The following CSNK1A1 variants were observed in gnomAD, a reference collection of about 807,000 sequenced individuals.
The protein encoded by CSNK1A1 is casein kinase 1 alpha 1.
Under a neutral mutation model 46.1 loss-of-function variants are expected in CSNK1A1, and 7 were observed. The ratio of observed to expected loss-of-function variants is 0.15; its 90% CI spans 0.09 to 0.29. The LOEUF (loss-of-function observed/expected upper bound fraction) is 0.29. Ranked by LOEUF, CSNK1A1 falls within the 10% of genes least tolerant of loss-of-function variation. The pLI is 1.00. For synonymous variants in CSNK1A1, 137 were observed against 141.5 expected (o/e 0.97, Z 0.23); for missense variants, 96 against 417.1 (o/e 0.23, Z 6.71).
At chr5:149,546,331 A>G (rs1284960803) in intron 2 of CSNK1A1, among the ~76,000 whole-genome samples, 1 of 152,040 alleles carries the variant, frequency 6.6e-6, no homozygotes, top group African/African-American at 2.4e-5. Context: ...AAGATATACC[A>G]AAGTATCTTA....
chr5:149,546,357 G>C (rs1348337666), intron 2 of CSNK1A1, among the ~76,000 whole-genome samples: 2 of 151,988 alleles, frequency 1.3e-5, no homozygotes. Context: ...AATCCTGGCT[G>C]GGTGCGGTGG....
intron 9 of CSNK1A1, 91 bp from the exon 10 acceptor site, chr5:149,496,951 C>A: frequency 6.7e-7 from 1 of 1,500,498 alleles, no homozygotes; most frequent in Non-Finnish European, 8.8e-7. Flanking sequence ...TGGAACTGAG[C>A]CAATAATTAT....
chr5:149,543,865 C>G (rs1762380789), intron 2 of CSNK1A1, among the ~76,000 whole-genome samples: 1 of 151,892 alleles, frequency 6.6e-6, no homozygotes, highest in Admixed American at 6.6e-5. Flanking sequence ...ATAGCCACTG[C>G]ACTCCGCCCG....
At chr5:149,500,934 A>C (rs1187950864) in intron 9 of CSNK1A1, 2 of 981,046 alleles carry the variant, frequency 2.0e-6, no homozygotes, top group Non-Finnish European at 2.4e-6. Flanking sequence ...CTGCATTAAA[A>C]AACAGACTGA....
intron 2 of CSNK1A1, among the ~76,000 whole-genome samples, chr5:149,536,648 G>C (rs17710564): frequency 0.16 from 24,460 of 152,146 alleles, 2,026 homozygotes; most frequent in African/African-American, 0.18. Flanking sequence ...CTACCAGAAA[G>C]GAATGATACA....
intron 3 of CSNK1A1, among the ~76,000 whole-genome samples, chr5:149,522,106 T>C (rs1761589564): frequency 6.6e-6 from 1 of 152,172 alleles, no homozygotes. Flanking sequence ...ATAGAAGTTC[T>C]GTGTTTTTTT....
chr5:149,545,247 G>T (rs781411002), intron 2 of CSNK1A1: 58 of 215,532 alleles, frequency 2.7e-4, no homozygotes, highest in Non-Finnish European at 8.2e-5. Context: ...CAAGGTCCAA[G>T]AATTTTCTTT....
At position 149,501,902 on chromosome 5, in the gene CSNK1A1, T is replaced by C. The variant is rs1048709124; in HGVS notation, c.1006+3545A>G. On this transcript the variant is annotated intron_variant, in intron 9 of 9. Coordinates refer to ENST00000377843, the MANE Select transcript of CSNK1A1 (RefSeq NM_001892.6). ...CGAAGTGTGTTGGGTGTGAATCTTATGTATTTTTCTTGGGAACATGAATAA... is the reference window on the plus strand; with the variant it reads ...CGAAGTGTGTTGGGTGTGAATCTTACGTATTTTTCTTGGGAACATGAATAA... 1.5e-5 allele frequency: 14 copies of C among 959,680 alleles called. No homozygotes were observed. The East Asian group carries it at 1.0e-3, about 71-fold the overall frequency. 59.4% of individuals were successfully genotyped at this position (959,680 alleles called of 1,614,324 possible).
intron 4 of CSNK1A1, among the ~76,000 whole-genome samples, chr5:149,515,287 T>C (rs909852769): frequency 1.3e-5 from 2 of 152,206 alleles, no homozygotes; most frequent in African/African-American, 4.8e-5. Context: ...CATGAGTATG[T>C]CTAACAGTTT....
At chr5:149,497,027 G>C (rs1250482056) in intron 9 of CSNK1A1, 167 bp from the exon 10 acceptor site, 9 of 1,426,716 alleles carry the variant, frequency 6.3e-6, no homozygotes, top group Non-Finnish European at 8.2e-6. Context: ...AGAAAAACAT[G>C]AATCTATACT....
In CSNK1A1 at chr5:149,531,300, CAAG is replaced by C. The variant is rs529225269; in HGVS notation, c.231-6132_231-6130del. 2.8e-3 allele frequency among the ~76,000 whole-genome samples: 418 copies of C among 147,276 alleles called. 2 individuals carry two copies. Among genetic ancestry groups the C allele is most frequent in the African/African-American group, 0.01 (404 of 40,012 alleles). ...CTGTAATCCCAGCACTTTGGGAGGCCAAGGAGGGCGGATCACCTGAGGTCGGCA... is the reference window on the plus strand; with the variant it reads ...CTGTAATCCCAGCACTTTGGGAGGCCGAGGGCGGATCACCTGAGGTCGGCA... On this transcript the variant is annotated intron_variant, in intron 2 of 9. Coordinates refer to ENST00000377843, the MANE Select transcript of CSNK1A1 (RefSeq NM_001892.6).
At chr5:149,498,597 C>A in intron 9 of CSNK1A1, 2 of 974,154 alleles carry the variant, frequency 2.1e-6, no homozygotes, top group African/African-American at 3.5e-5. Flanking sequence ...AGAAATTAAA[C>A]AGATTAAACA....
At chr5:149,548,523 C>T (rs1032493298) in intron 2 of CSNK1A1, among the ~76,000 whole-genome samples, 7 of 150,124 alleles carry the variant, frequency 4.7e-5, no homozygotes, top group African/African-American at 9.8e-5. Flanking sequence ...GCCAAGGTTG[C>T]GCCACTGCAC....
intron 2 of CSNK1A1, among the ~76,000 whole-genome samples, chr5:149,542,620 A>T (rs185881151): frequency 9.3e-4 from 12 of 12,848 alleles, no homozygotes; most frequent in East Asian, 5.8e-3. Flanking sequence ...ATATATATAT[A>T]TATATATATA....
chr5:149,550,787 T>TG lies in CSNK1A1; in HGVS notation c.123+54dup, dbSNP rs1561777643. 5.0e-6 allele frequency: 8 copies of TG among 1,610,720 alleles called. No individual in the cohort carries two copies. The highest frequency in any genetic ancestry group is 1.7e-4 in the Middle Eastern group (1 of 6,048). ...GCACTTTGGGGGTGCACGGTGGTGG[T>TG]GGGGGGAATGAGTAAAAGCGCAGCG... On this transcript the variant is annotated intron_variant, in intron 1 of 9. Transcript: ENST00000377843. The surrounding 1 kb of genome is among the most constrained non-coding windows in gnomAD (Gnocchi z 4.3).
intron 9 of CSNK1A1, chr5:149,497,553 G>C: frequency 3.0e-6 from 3 of 985,356 alleles, no homozygotes; most frequent in Non-Finnish European, 2.4e-6. Flanking sequence ...ATAGGCCCTA[G>C]GCCAAGTTTG....
intron 2 of CSNK1A1, among the ~76,000 whole-genome samples, chr5:149,547,911 A>G (rs1326916201): frequency 6.6e-6 from 1 of 151,208 alleles, no homozygotes; most frequent in Non-Finnish European, 1.5e-5. Context: ...TCGCTCTGTC[A>G]CCAGGCTGGA....
chr5:149,503,604 T>C (rs1760939773), intron 9 of CSNK1A1: 1 of 985,034 alleles, frequency 1.0e-6, no homozygotes, highest in Non-Finnish European at 1.2e-6. Context: ...TTACAAAAAA[T>C]AGCTACAATA....
At chr5:149,524,781 T>C in intron 3 of CSNK1A1, among the ~76,000 whole-genome samples, 1 of 152,184 alleles carries the variant, frequency 6.6e-6, no homozygotes, top group South Asian at 2.1e-4. Flanking sequence ...AATCTTACAA[T>C]AACCTGCTAC....
Sources: allele counts gnomAD v4.1 joint callset (sites outside exome capture counted in the v4.1 genomes callset), GRCh38; gene constraint gnomAD v4.1.1; non-coding constraint Gnocchi (gnomAD v3.1); transcripts MANE v1.5; gene names NCBI Gene and HGNC (gene_info 2026-07-23, HGNC 2026-07-21).